ALK: variants seen among roughly 807,000 people sequenced by gnomAD.
The protein encoded by ALK is ALK receptor tyrosine kinase.
Under a neutral mutation model 163.1 loss-of-function variants are expected in ALK, and 74 were observed. That is an observed-to-expected ratio of 0.45 (90% CI 0.38 to 0.55). The LOEUF (loss-of-function observed/expected upper bound fraction) is 0.55. Among genes scored for constraint, ALK ranks in the 20% least tolerant of loss-of-function variants. The pLI, the probability that ALK is intolerant of heterozygous loss-of-function variation, is 0.00. For synonymous variants in ALK, 960 were observed against 843.2 expected (o/e 1.14, Z -2.40); for missense variants, 2,063 against 2,105.3 (o/e 0.98, Z 0.39).
chr2:29,731,222 T>G (rs578124681), intron 1 of ALK, among the ~76,000 whole-genome samples: 2 of 152,200 alleles, frequency 1.3e-5, no homozygotes, highest in Admixed American at 6.5e-5. Flanking sequence ...CAAAAAGTAA[T>G]GATTACAAAT....
At chr2:29,578,125 C>A (rs1240342369) in intron 3 of ALK, among the ~76,000 whole-genome samples, 1 of 152,126 alleles carries the variant, frequency 6.6e-6, no homozygotes, top group South Asian at 2.1e-4. Flanking sequence ...TGGGGTGGGC[C>A]TTTCCCATGC....
chr2:29,399,290 C>T (rs1669386662), intron 4 of ALK, among the ~76,000 whole-genome samples: 1 of 152,172 alleles, frequency 6.6e-6, no homozygotes, highest in Admixed American at 6.5e-5. Context: ...AGATGAGGTT[C>T]CAACCTAGAT....
intron 4 of ALK, among the ~76,000 whole-genome samples, chr2:29,439,512 G>A (rs976281880): frequency 2.0e-4 from 31 of 151,990 alleles, no homozygotes; most frequent in Admixed American, 1.9e-3. Flanking sequence ...GAGAATAGAC[G>A]GCTCCTACTC....
chr2:29,888,708 A>T (rs1056791467), intron 1 of ALK, among the ~76,000 whole-genome samples: 74 of 152,316 alleles, frequency 4.9e-4, no homozygotes, highest in Admixed American at 1.3e-4. Context: ...ATGAATTCCT[A>T]TTAATTTCCC....
intron 4 of ALK, among the ~76,000 whole-genome samples, chr2:29,441,803 C>T (rs1244521036): frequency 3.9e-5 from 6 of 152,158 alleles, no homozygotes; most frequent in Non-Finnish European, 8.8e-5. Context: ...AGGAACAGGA[C>T]TATCCACTGT....
intron 8 of ALK, among the ~76,000 whole-genome samples, chr2:29,310,660 C>T (rs933041460): frequency 3.9e-4 from 60 of 152,228 alleles, no homozygotes; most frequent in African/African-American, 1.3e-3. Flanking sequence ...GCTGGCCACA[C>T]GGCAGGTTTG....
At chr2:29,346,244 T>C (rs545541074) in intron 5 of ALK, among the ~76,000 whole-genome samples, 1 of 152,186 alleles carries the variant, frequency 6.6e-6, no homozygotes, top group Non-Finnish European at 1.5e-5. Flanking sequence ...TTAGTTTCTC[T>C]CAATCAATCC....
chr2:29,245,092 TAGGGGCTCC>T (rs1664625350), intron 12 of ALK, among the ~76,000 whole-genome samples: 1 of 150,902 alleles, frequency 6.6e-6, no homozygotes, highest in Non-Finnish European at 1.5e-5. Flanking sequence ...CTGCACACAG[TAGGGGCTCC>T]ATGGCTCAGT....
chr2:29,464,604 C>T (rs1401450156), intron 4 of ALK, among the ~76,000 whole-genome samples: 1 of 152,014 alleles, frequency 6.6e-6, no homozygotes, highest in African/African-American at 2.4e-5. Flanking sequence ...AAAAAATATA[C>T]CGGATGGGAC....
At chr2:29,206,571 C>A (rs2045015) in intron 26 of ALK, among the ~76,000 whole-genome samples, 1 of 152,078 alleles carries the variant, frequency 6.6e-6, no homozygotes, top group Non-Finnish European at 1.5e-5. Context: ...CGTGCCTGGC[C>A]TACACCCCTA....
At chr2:29,651,943 G>C (rs918824805) in intron 3 of ALK, among the ~76,000 whole-genome samples, 1 of 152,104 alleles carries the variant, frequency 6.6e-6, no homozygotes, top group Non-Finnish European at 1.5e-5. Flanking sequence ...ACAGCCTATA[G>C]GCCTCGAGTG....
intron 23 of ALK, among the ~76,000 whole-genome samples, chr2:29,216,417 A>G (rs915785551): frequency 5.3e-5 from 8 of 152,056 alleles, no homozygotes; most frequent in African/African-American, 1.9e-4. Context: ...TCAGGATGCG[A>G]GGGCCATAGA....
intron 4 of ALK, among the ~76,000 whole-genome samples, chr2:29,512,276 G>T (rs1310260260): frequency 6.6e-6 from 1 of 151,400 alleles, no homozygotes; most frequent in Non-Finnish European, 1.5e-5. Flanking sequence ...GAATCCAGCA[G>T]CACATCAAAA....
chr2:29,911,997 TATATC>T (rs1667715429), intron 1 of ALK, among the ~76,000 whole-genome samples: 1 of 152,122 alleles, frequency 6.6e-6, no homozygotes. Flanking sequence ...AGTAAATAAT[TATATC>T]AGAATGGAGA....
chr2:29,712,456 C>A (rs906069742), intron 2 of ALK, among the ~76,000 whole-genome samples: 2 of 152,204 alleles, frequency 1.3e-5, no homozygotes, highest in Non-Finnish European at 2.9e-5. Flanking sequence ...TTCACTGACA[C>A]CAGTGCTCCT....
At chr2:29,815,825 T>C (rs1008954283) in intron 1 of ALK, among the ~76,000 whole-genome samples, 3 of 152,178 alleles carry the variant, frequency 2.0e-5, no homozygotes, top group African/African-American at 4.8e-5. Flanking sequence ...AAATTCCATA[T>C]ACACTCTTTC....
chr2:29,642,658 T>C (rs920709910), intron 3 of ALK, among the ~76,000 whole-genome samples: 4 of 152,186 alleles, frequency 2.6e-5, no homozygotes, highest in Non-Finnish European at 5.9e-5. Context: ...AGCTGTGTTC[T>C]GCAGTTTCTC....
intron 1 of ALK, among the ~76,000 whole-genome samples, chr2:29,835,773 G>C (rs1046976334): frequency 6.6e-6 from 1 of 152,126 alleles, no homozygotes; most frequent in Non-Finnish European, 1.5e-5. Flanking sequence ...GGTTTTATAG[G>C]GGGAAACCCC....
chr2:29,730,041 C>G (rs1679691886), intron 1 of ALK, among the ~76,000 whole-genome samples: 1 of 152,180 alleles, frequency 6.6e-6, no homozygotes, highest in South Asian at 2.1e-4. Context: ...GTAAGTCGTC[C>G]TATTAAACCA....
Sources: allele counts gnomAD v4.1 joint callset (sites outside exome capture counted in the v4.1 genomes callset), GRCh38; gene constraint gnomAD v4.1.1; transcripts MANE v1.5; gene names NCBI Gene and HGNC (gene_info 2026-07-23, HGNC 2026-07-21).